MAPRE2: variants seen among roughly 807,000 people sequenced by gnomAD.
MAPRE2 encodes the protein microtubule-associated protein RP/EB family member 2.
MAPRE2 carries 13 observed loss-of-function variants against 43.2 expected under a neutral mutation model. The ratio of observed to expected loss-of-function variants is 0.30; its 90% confidence interval spans 0.20 to 0.48. MAPRE2 has a LOEUF of 0.48. Ranked by LOEUF, MAPRE2 falls within the 20% of genes least tolerant of loss-of-function variation. The probability of loss-of-function intolerance (pLI) is 0.99; values close to 1 mark genes in which losing one functional copy is unlikely to be tolerated. For synonymous variants in MAPRE2, 135 were observed against 148.8 expected (o/e 0.91, Z 0.68); for missense variants, 161 against 400.2 (o/e 0.40, Z 5.10).
At chr18:35,107,456 C>T (rs375572810) in intron 4 of MAPRE2, among the ~76,000 whole-genome samples, 1 of 152,068 alleles carries the variant, frequency 6.6e-6, no homozygotes, top group Admixed American at 6.6e-5. Context: ...ATTTGTTGAG[C>T]ACCTGTCATC....
chr18:35,021,974 G>C (rs1021367943), intron 2 of MAPRE2, among the ~76,000 whole-genome samples: 2 of 152,156 alleles, frequency 1.3e-5, no homozygotes, highest in Admixed American at 1.3e-4. Context: ...ATACAGAAGA[G>C]TGATCACCTG....
Position 35,001,918 on chromosome 18 carries a change from A to G in MAPRE2, c.-69-3574A>G, listed in dbSNP as rs114132535. On this transcript the variant is annotated intron_variant, in intron 1 of 7. Transcript: ENST00000413393. ...ACAGTAAGATGTAATTGTAAGAAAT[A>G]ATATAGAGAGATCCCATATATTCTT... is the stretch of plus-strand genomic sequence containing the variant. Among the ~76,000 whole-genome samples, 1,224 of 152,334 alleles carry G rather than the reference A, an allele frequency of 8.0e-3. 17 individuals carry two copies. The highest frequency in any genetic ancestry group is 0.028 in the African/African-American group (1,157 of 41,564).
intron 5 of MAPRE2, among the ~76,000 whole-genome samples, chr18:35,128,859 G>A (rs917472113): frequency 6.6e-6 from 1 of 152,122 alleles, no homozygotes; most frequent in Non-Finnish European, 1.5e-5. Context: ...GAAACCTTGA[G>A]GTTCTCTCCC....
intron 4 of MAPRE2, among the ~76,000 whole-genome samples, chr18:35,113,119 A>G (rs1909255283): frequency 1.3e-5 from 2 of 152,114 alleles, no homozygotes; most frequent in South Asian, 4.2e-4. Flanking sequence ...TCTGGGGGGG[A>G]ACACAAACAT....
At chr18:35,136,816 G>C (rs551673053) in intron 6 of MAPRE2, among the ~76,000 whole-genome samples, 1 of 152,236 alleles carries the variant, frequency 6.6e-6, no homozygotes, top group South Asian at 2.1e-4. Flanking sequence ...CTTCCAGTTT[G>C]CCTCTCTATC....
intron 2 of MAPRE2, among the ~76,000 whole-genome samples, chr18:35,016,767 T>G (rs1001375295): frequency 1.3e-5 from 2 of 152,136 alleles, no homozygotes; most frequent in Non-Finnish European, 2.9e-5. Context: ...CTGTTTACTT[T>G]GTTGATAGTT....
At chr18:34,986,435 C>T (rs2097021057) in intron 1 of MAPRE2, among the ~76,000 whole-genome samples, 1 of 152,134 alleles carries the variant, frequency 6.6e-6, no homozygotes, top group Non-Finnish European at 1.5e-5. Flanking sequence ...AAAAGAGAGA[C>T]CTTACAAGAA....
intron 2 of MAPRE2, among the ~76,000 whole-genome samples, chr18:35,022,997 A>C (rs916959036): frequency 1.3e-5 from 2 of 152,228 alleles, no homozygotes; most frequent in African/African-American, 2.4e-5. Flanking sequence ...AATTTCTTTT[A>C]TAATACAAAA....
At chr18:35,009,036 A>G (rs180827765) in intron 2 of MAPRE2, among the ~76,000 whole-genome samples, 245 of 152,166 alleles carry the variant, frequency 1.6e-3, no homozygotes, top group African/African-American at 5.7e-3. Flanking sequence ...TGTGCCTACT[A>G]TCAGCTAGGT....
chr18:35,095,367 C>CAT (rs1043156325), intron 2 of MAPRE2, among the ~76,000 whole-genome samples: 16 of 129,530 alleles, frequency 1.2e-4, no homozygotes, highest in African/African-American at 5.0e-4. Flanking sequence ...AGAAAATACA[C>CAT]ACACACACAC....
intron 2 of MAPRE2, among the ~76,000 whole-genome samples, chr18:35,025,555 T>C (rs2097044621): frequency 6.6e-6 from 1 of 152,208 alleles, no homozygotes; most frequent in African/African-American, 2.4e-5. Flanking sequence ...GGCTGAATGT[T>C]CCCAACTCTA....
At chr18:35,106,718 TTACTG>T (rs1225049859) in intron 4 of MAPRE2, among the ~76,000 whole-genome samples, 4 of 152,172 alleles carry the variant, frequency 2.6e-5, no homozygotes, top group African/African-American at 9.7e-5. Flanking sequence ...GTTGGGGACT[TTACTG>T]TAACAAGCTT....
At chr18:34,985,778 T>C (rs1245495694) in intron 1 of MAPRE2, among the ~76,000 whole-genome samples, 1 of 106,708 alleles carries the variant, frequency 9.4e-6, no homozygotes, top group African/African-American at 3.0e-5. Flanking sequence ...TACATATTTG[T>C]TTAATACCTT....
intron 2 of MAPRE2, among the ~76,000 whole-genome samples, chr18:35,007,400 A>G (rs1014322770): frequency 6.6e-6 from 1 of 152,194 alleles, no homozygotes; most frequent in Admixed American, 6.5e-5. Context: ...TGCTTTCTAA[A>G]TCTCCTTATA....
At chr18:34,995,193 A>C (rs2097025860) in intron 1 of MAPRE2, among the ~76,000 whole-genome samples, 1 of 152,188 alleles carries the variant, frequency 6.6e-6, no homozygotes, top group Non-Finnish European at 1.5e-5. Flanking sequence ...GGGCAATCTC[A>C]AATTCATTTT....
At chr18:34,998,817 C>T (rs1039207595) in intron 1 of MAPRE2, among the ~76,000 whole-genome samples, 46 of 135,876 alleles carry the variant, frequency 3.4e-4, no homozygotes, top group Admixed American at 2.7e-3. Context: ...AGTCTCACTC[C>T]GGACTTGGCC....
At chr18:34,993,367 T>A (rs1316614557) in intron 1 of MAPRE2, among the ~76,000 whole-genome samples, 1 of 150,818 alleles carries the variant, frequency 6.6e-6, no homozygotes, top group African/African-American at 2.4e-5. Flanking sequence ...CCTTCCAAAG[T>A]GTTGGGATTA....
intron 1 of MAPRE2, among the ~76,000 whole-genome samples, chr18:34,994,249 A>T (rs1383164624): frequency 6.6e-6 from 1 of 152,180 alleles, no homozygotes; most frequent in Non-Finnish European, 1.5e-5. Context: ...TTTGAAGGAA[A>T]TAAAGATATT....
chr18:35,006,381 C>CA (rs1037370293), intron 2 of MAPRE2, among the ~76,000 whole-genome samples: 1 of 151,148 alleles, frequency 6.6e-6, no homozygotes, highest in African/African-American at 2.4e-5. Flanking sequence ...TTTCTTCTTT[C>CA]AAAAAAAAAT....
Sources: gnomAD v4.1 joint callset for allele counts (sites outside exome capture counted in the v4.1 genomes callset) on GRCh38, gnomAD v4.1.1 for gene constraint, MANE v1.5 for transcripts, NCBI Gene and HGNC (gene_info 2026-07-23, HGNC 2026-07-21) for gene names.